TRIO: variants seen among roughly 807,000 people sequenced by gnomAD.
TRIO encodes trio Rho guanine nucleotide exchange factor.
TRIO carries 58 observed loss-of-function variants against 351.9 expected under a neutral mutation model. That is an observed-to-expected ratio of 0.16 (90% confidence interval 0.13 to 0.21). The LOEUF (loss-of-function observed/expected upper bound fraction) is 0.21. TRIO is among the 10% of genes least tolerant of loss of function. TRIO has a pLI of 1.00. For synonymous variants in TRIO, 1,758 were observed against 1,595.7 expected (o/e 1.10, Z -2.42); for missense variants, 3,201 against 4,027.8 (o/e 0.79, Z 5.56).
intron 33 of TRIO, among the ~76,000 whole-genome samples, chr5:14,415,190 T>G (rs890813662): frequency 2.0e-5 from 3 of 152,340 alleles, no homozygotes; most frequent in African/African-American, 7.2e-5. Flanking sequence ...ATTCTCCTTT[T>G]GCTTTTGAAT....
intron 1 of TRIO, among the ~76,000 whole-genome samples, chr5:14,233,792 G>T (rs1044985931): frequency 6.6e-6 from 1 of 151,966 alleles, no homozygotes; most frequent in Non-Finnish European, 1.5e-5. Flanking sequence ...TTTTGTTTGT[G>T]TGTTTTGTTT....
intron 1 of TRIO, among the ~76,000 whole-genome samples, chr5:14,158,208 C>T (rs915226184): frequency 7.9e-5 from 12 of 152,076 alleles, no homozygotes; most frequent in Non-Finnish European, 1.3e-4. Context: ...ATGCGGATCA[C>T]GAGGTCAAGA....
chr5:14,323,790 T>G (rs1740119207), intron 9 of TRIO, among the ~76,000 whole-genome samples: 1 of 152,234 alleles, frequency 6.6e-6, no homozygotes, highest in Non-Finnish European at 1.5e-5. Flanking sequence ...AGGATGAGTA[T>G]ATGAATTCCA....
intron 9 of TRIO, among the ~76,000 whole-genome samples, chr5:14,328,477 A>G (rs1247897902): frequency 2.6e-5 from 4 of 152,264 alleles, no homozygotes; most frequent in African/African-American, 9.6e-5. Flanking sequence ...AGTTAAAACA[A>G]TGCGCTCAAT....
At chr5:14,199,231 A>G (rs1790960354) in intron 1 of TRIO, among the ~76,000 whole-genome samples, 3 of 151,470 alleles carry the variant, frequency 2.0e-5, no homozygotes, top group African/African-American at 7.3e-5. Flanking sequence ...CTCCCTAAAA[A>G]TGCAACTCAA....
chr5:14,170,332 G>A (rs909682587), intron 1 of TRIO, among the ~76,000 whole-genome samples: 1 of 151,984 alleles, frequency 6.6e-6, no homozygotes, highest in East Asian at 1.9e-4. Flanking sequence ...AGTTAGAAAG[G>A]TTTGGTTTTG....
At chr5:14,422,223 C>G (rs1750228586) in intron 34 of TRIO, among the ~76,000 whole-genome samples, 1 of 152,202 alleles carries the variant, frequency 6.6e-6, no homozygotes, top group Non-Finnish European at 1.5e-5. Flanking sequence ...GCTGCCTTGC[C>G]TCACCCTCGC....
At chr5:14,410,271 T>C (rs546391372) in intron 33 of TRIO, among the ~76,000 whole-genome samples, 2 of 152,268 alleles carry the variant, frequency 1.3e-5, no homozygotes, top group East Asian at 3.9e-4. Context: ...TGCCCACGTG[T>C]GCCTGCGTTT....
Position 14,448,552 on chromosome 5 carries a change from G to A in TRIO, c.5204-12467G>A, listed in dbSNP as rs376339831. ...ACAGTGCCACATTGGGGCTCGATGC[G>A]GGCAGTGGGGCCACTCCCTGGCTGG... On this transcript the variant is annotated intron_variant, in intron 34 of 56. Coordinates refer to ENST00000344204, the MANE Select transcript of TRIO (RefSeq NM_007118.4). Among the ~76,000 whole-genome samples the A allele has an allele frequency of 5.5e-4, 84 of 152,342 alleles. 1 individual carries two copies. The South Asian group carries it at 0.016, about 28-fold the overall frequency.
chr5:14,318,555 A>G (rs1053728780), intron 9 of TRIO, among the ~76,000 whole-genome samples: 1 of 151,898 alleles, frequency 6.6e-6, no homozygotes, highest in Non-Finnish European at 1.5e-5. Flanking sequence ...AAGGTTACAT[A>G]TACAGAGTGC....
At chr5:14,226,788 T>G (rs1464355318) in intron 1 of TRIO, among the ~76,000 whole-genome samples, 7 of 132,874 alleles carry the variant, frequency 5.3e-5, no homozygotes, top group Non-Finnish European at 1.2e-4. Flanking sequence ...CTGGGTAGAG[T>G]GTTTCCATAT....
Position 14,161,919 on chromosome 5 carries a change from A to G in TRIO, c.157+18037A>G, listed in dbSNP as rs1788480295. Reference sequence around the variant, plus strand: ...TTTTTTGTAGAAATGGGGTCTTGCCATGGAGGCCAGGCAGGTCTCAACCTC... The same window carrying G: ...TTTTTTGTAGAAATGGGGTCTTGCCGTGGAGGCCAGGCAGGTCTCAACCTC... On this transcript the variant is annotated intron_variant, in intron 1 of 56. Transcript: ENST00000344204. 2.0e-5 allele frequency among the ~76,000 whole-genome samples: 3 copies of G among 152,096 alleles called. No homozygotes were observed. The South Asian group carries it at 6.2e-4, about 32-fold the overall frequency.
Position 14,369,454 on chromosome 5 carries a change from A to C in TRIO, c.3147A>C (p.Pro1049=), listed in dbSNP as rs780052057. The change falls in exon 18 of 57, where the codon CCA becomes CCC. Residue 1049 remains proline, a synonymous_variant. Transcript: ENST00000344204. ...GTGGCGGGGCGGATAAGCTGGGCCC[A>C]AACTCTGAGACGGACCACGTGACGC... The part of the protein sequence containing the change: ...DWCGGADKLG[P]NSETDHVTPM... 3.7e-6 allele frequency: 6 copies of C among 1,614,020 alleles called. No individual in the cohort carries two copies. The highest frequency in any genetic ancestry group is 5.1e-6 in the Non-Finnish European group (6 of 1,180,022).
At chr5:14,369,612 C>T in intron 18 of TRIO, 89 bp downstream of exon 18, 1 of 1,450,596 alleles carries the variant, frequency 6.9e-7, no homozygotes, top group East Asian at 2.5e-5. Flanking sequence ...CCAAGGGAGC[C>T]TGCCCCACAC....
chr5:14,281,760 T>C (rs1483382418), intron 3 of TRIO, among the ~76,000 whole-genome samples: 1 of 151,806 alleles, frequency 6.6e-6, no homozygotes, highest in African/African-American at 2.4e-5. Context: ...TGAGAGGAGG[T>C]GTTTCCTAAG....
intron 1 of TRIO, among the ~76,000 whole-genome samples, chr5:14,196,506 C>G (rs1790781060): frequency 6.6e-6 from 1 of 151,158 alleles, no homozygotes; most frequent in African/African-American, 2.4e-5. Context: ...TTGTGTTTTG[C>G]ACCTGTCATT....
intron 9 of TRIO, among the ~76,000 whole-genome samples, chr5:14,323,037 T>TG (rs2152310698): frequency 6.6e-6 from 1 of 152,262 alleles, no homozygotes; most frequent in South Asian, 2.1e-4. Context: ...AGGATGGAGC[T>TG]GCAGATTTAA....
intron 45 of TRIO, 22 bp from the exon 46 acceptor site, chr5:14,482,560 C>T (rs1258259119): frequency 1.4e-6 from 2 of 1,420,816 alleles, no homozygotes; most frequent in Non-Finnish European, 1.9e-6. Context: ...CCTTCCTTTT[C>T]CCCCTTTATT....
At chr5:14,251,583 C>T (rs1338867096) in intron 1 of TRIO, among the ~76,000 whole-genome samples, 1 of 152,222 alleles carries the variant, frequency 6.6e-6, no homozygotes, top group Non-Finnish European at 1.5e-5. Flanking sequence ...GGCTGGGCAG[C>T]CTCTTTGAAA....
Sources: allele counts gnomAD v4.1 joint callset (sites outside exome capture counted in the v4.1 genomes callset), GRCh38; gene constraint gnomAD v4.1.1; transcripts MANE v1.5; gene names NCBI Gene and HGNC (gene_info 2026-07-23, HGNC 2026-07-21).